The following GAN variants were observed in gnomAD, a reference collection of about 807,000 sequenced individuals.
GAN encodes the protein epididymis secretory sperm binding protein.
GAN carries 48 observed loss-of-function variants against 71.3 expected under a neutral mutation model. The observed-to-expected ratio is 0.67, with a 90% CI of 0.53 to 0.86. GAN has a LOEUF of 0.86. Ranked by LOEUF, GAN falls within the 40% of genes least tolerant of loss-of-function variation. GAN has a pLI of 0.00. For synonymous variants in GAN, 386 were observed against 276.8 expected (o/e 1.39, Z -3.92); for missense variants, 928 against 770.1 (o/e 1.21, Z -2.43).
In GAN at chr16:81,354,548, A is replaced by C. The variant is rs775953461; in HGVS notation, c.426A>C (p.Leu142=). The stretch of plus-strand genomic sequence containing the variant: ...GTATTGGTATCCGTGACTTTGCACT[A>C]CATTACTGCCTCCATCACGTTCATT... The part of the protein sequence containing the change: ...ENCIGIRDFA[L]HYCLHHVHYL... The change falls in exon 3 of 11, where the codon CTA becomes CTC. Residue 142 remains leucine (L), a synonymous_variant. Transcript: ENST00000648994. 2 of 1,614,120 alleles carry C rather than the reference A, an allele frequency of 1.2e-6. No individual in the cohort carries two copies. Among genetic ancestry groups the C allele is most frequent in the Non-Finnish European group, 1.7e-6 (2 of 1,179,946 alleles).
chr16:81,387,448 C>G lies in GAN; in HGVS notation c.*9852C>G, dbSNP rs983069881. 2 of 152,334 alleles carry G rather than the reference C, an allele frequency of 1.3e-5. No homozygotes were observed. The highest frequency in any genetic ancestry group is 4.8e-5 in the African/African-American group (2 of 41,434). The allele number at this position is 152,334 out of a possible 1,614,324, so 9.4% of individuals were successfully genotyped here. A position where few individuals can be genotyped will look rare whatever the true frequency, so the allele number is the denominator to read the frequency against. On this transcript the variant is annotated 3_prime_UTR_variant, in exon 11 of 11. Coordinates refer to ENST00000648994, the MANE Select transcript of GAN (RefSeq NM_022041.4). Reference sequence around the variant, plus strand: ...CCTCCTCCCTGGTGAAAGTCTACTGCAGTTTTATTCTCAGCTCTGGAAGGA... The same window carrying G: ...CCTCCTCCCTGGTGAAAGTCTACTGGAGTTTTATTCTCAGCTCTGGAAGGA...
In GAN at chr16:81,354,607, G is replaced by T; in HGVS notation, c.485G>T (p.Arg162Leu). The change falls in exon 3 of 11, where the codon CGA becomes CTA. Residue 162 changes from arginine to leucine, a missense_variant. Coordinates refer to ENST00000648994, the MANE Select transcript of GAN (RefSeq NM_022041.4). ...LATEYLETHFRDVSSTEEFLE... is the reference protein window; with the variant it reads ...LATEYLETHFLDVSSTEEFLE... ...ACAGAATACCTGGAGACTCATTTCC[G>T]AGACGTCAGCAGCACGGAAGAATTC... 6.2e-7 allele frequency: 1 copy of T among 1,614,050 alleles called. No individual in the cohort carries two copies. Among genetic ancestry groups the T allele is most frequent in the South Asian group, 1.1e-5 (1 of 91,078 alleles).
At chr16:81,357,667 C>G (rs567355632) in intron 4 of GAN, 143 bp from the exon 5 acceptor site, 13 of 765,630 alleles carry the variant, frequency 1.7e-5, no homozygotes, top group South Asian at 4.4e-5. Context: ...TTCTAGATCC[C>G]TGAGGAATCG....
Position 81,315,133 on chromosome 16 carries a change from T to G in GAN, c.20T>G (p.Val7Gly). The G allele has an allele frequency of 3.9e-6, 6 of 1,525,578 alleles. No homozygotes were observed. Among genetic ancestry groups the G allele is most frequent in the Non-Finnish European group, 5.3e-6 (6 of 1,137,382 alleles). The allele number at this position is 1,525,578 out of a possible 1,614,324, so 94.5% of individuals were successfully genotyped here. A position where few individuals can be genotyped will look rare whatever the true frequency, so the allele number is the denominator to read the frequency against. Reference sequence around the variant, plus strand: ...GCCGCGATGGCTGAGGGCAGTGCCGTGTCTGACCCTCAGCACGCCGCGCGT... The same window carrying G: ...GCCGCGATGGCTGAGGGCAGTGCCGGGTCTGACCCTCAGCACGCCGCGCGT... The part of the protein sequence containing the change: MAEGSA[V>G]SDPQHAARLL... Residue 7 changes from valine (V) to glycine (G), a missense_variant, in exon 1 of 11, where the codon GTG becomes GGG. By Grantham distance (109) the Val-to-Gly change is moderately radical (BLOSUM62 -3). Coordinates refer to ENST00000648994, the MANE Select transcript of GAN (RefSeq NM_022041.4).
At chr16:81,349,157 C>G (rs1216313132) in intron 1 of GAN, among the ~76,000 whole-genome samples, 1 of 152,146 alleles carries the variant, frequency 6.6e-6, no homozygotes, top group Non-Finnish European at 1.5e-5. Context: ...ACTTTGTTAA[C>G]AGTTCTGTTT....
intron 1 of GAN, among the ~76,000 whole-genome samples, chr16:81,338,451 T>A (rs1909837923): frequency 6.6e-6 from 1 of 152,170 alleles, no homozygotes; most frequent in Non-Finnish European, 1.5e-5. Flanking sequence ...TATTCATTAC[T>A]CATTCAGTAC....
chr16:81,328,503 T>C (rs1208437100), intron 1 of GAN, among the ~76,000 whole-genome samples: 2 of 152,248 alleles, frequency 1.3e-5, no homozygotes, highest in Non-Finnish European at 2.9e-5. Context: ...GTTCTTTTTG[T>C]ATTTTTTGTG....
chr16:81,354,693 A>T lies in GAN; in HGVS notation c.571A>T (p.Asn191Tyr), dbSNP rs755250146. 6.2e-7 allele frequency: 1 copy of T among 1,613,498 alleles called. No homozygotes were observed. Among genetic ancestry groups the T allele is most frequent in the Non-Finnish European group, 8.5e-7 (1 of 1,179,346 alleles). ...TTCTCTTGAGAAGTTAAACGTTGGC[A>T]ATGAAAGATATGTCTTTGAAGCAGT... ...VISLEKLNVG[N>Y]ERYVFEAVIR... The change falls in exon 3 of 11, where the codon AAT becomes TAT. Residue 191 changes from asparagine to tyrosine, a missense_variant. Coordinates refer to ENST00000648994, the MANE Select transcript of GAN (RefSeq NM_022041.4).
intron 5 of GAN, among the ~76,000 whole-genome samples, chr16:81,360,314 A>C (rs1910633790): frequency 6.6e-6 from 1 of 152,120 alleles, no homozygotes; most frequent in Non-Finnish European, 1.5e-5. Context: ...TTCATTCGTA[A>C]AGGATATTTT....
At chr16:81,358,073 G>GA in intron 5 of GAN, 142 bp downstream of exon 5, 1 of 771,088 alleles carries the variant, frequency 1.3e-6, no homozygotes, top group Non-Finnish European at 2.2e-6. Context: ...TAGCTTCTGA[G>GA]ACCGTGGTTA....
At position 81,319,212 on chromosome 16, in the gene GAN, A is replaced by ATATG. The variant is rs1055951800; in HGVS notation, c.167+3935_167+3936insGTAT. ...AAAAAAAAATAGATATAGATTATATATATATATATATATCTAACAACCTTT... is the reference window on the plus strand; with the variant it reads ...AAAAAAAAATAGATATAGATTATATATATGTATATATATATATCTAACAACCTTT... On this transcript the variant is annotated intron_variant, in intron 1 of 10. Coordinates refer to ENST00000648994, the MANE Select transcript of GAN (RefSeq NM_022041.4). Among the ~76,000 whole-genome samples, 40 of 147,882 alleles carry ATATG rather than the reference A, an allele frequency of 2.7e-4. 1 individual carries two copies. Among genetic ancestry groups the ATATG allele is most frequent in the African/African-American group, 9.6e-4 (39 of 40,574 alleles).
Position 81,315,154 on chromosome 16 carries a change from C to T in GAN, c.41C>T (p.Ala14Val), listed in dbSNP as rs764379158. 10 of 1,549,174 alleles carry T rather than the reference C, an allele frequency of 6.5e-6. No homozygotes were observed. Among genetic ancestry groups the T allele is most frequent in the African/African-American group, 4.2e-5 (3 of 70,768 alleles). ...GSAVSDPQHAARLLRALSSFR... is the reference protein window; with the variant it reads ...GSAVSDPQHAVRLLRALSSFR... ...GCCGTGTCTGACCCTCAGCACGCCG[C>T]GCGTCTGCTGCGAGCGCTCAGCTCT... Residue 14 changes from alanine (A) to valine (V), a missense_variant, in exon 1 of 11, where the codon GCG (alanine) becomes GTG (valine). Transcript: ENST00000648994.
intron 2 of GAN, among the ~76,000 whole-genome samples, chr16:81,352,231 A>G (rs1186272341): frequency 2.0e-5 from 3 of 152,108 alleles, no homozygotes; most frequent in African/African-American, 7.2e-5. Flanking sequence ...AGTAGTACCC[A>G]CATCCCTGCC....
chr16:81,329,613 C>G (rs769245241), intron 1 of GAN, among the ~76,000 whole-genome samples: 3 of 152,172 alleles, frequency 2.0e-5, no homozygotes, highest in Non-Finnish European at 4.4e-5. Flanking sequence ...CAAGTGAAAA[C>G]TTAAGTGTTT....
Position 81,365,384 on chromosome 16 carries a change from C to T in GAN, c.1408C>T (p.Leu470=). ...GGTGGCCTGTGGAGTTGCTATGGAG[C>T]TGTATGTGTTTGGGGGAGTCCGAAG... is the stretch of plus-strand genomic sequence containing the variant. The part of the protein sequence containing the change: ...GAVACGVAME[L]YVFGGVRSRE... Residue 470 remains leucine, a synonymous_variant, in exon 9 of 11, where the codon CTG becomes TTG. Transcript: ENST00000648994. 2 of 1,613,534 alleles carry T rather than the reference C, an allele frequency of 1.2e-6. No homozygotes were observed. Among genetic ancestry groups the T allele is most frequent in the Non-Finnish European group, 1.7e-6 (2 of 1,179,924 alleles).
At position 81,374,563 on chromosome 16, in the gene GAN, A is replaced by G. The variant is rs578092466; in HGVS notation, c.1503-2656A>G. Among the ~76,000 whole-genome samples the G allele has an allele frequency of 8.8e-4, 134 of 152,344 alleles. 1 individual carries two copies. In the South Asian group the frequency reaches 0.016, roughly 18 times the overall value. ...CTGTTAATGTTTTCCAATTATTTAT[A>G]GTATATGGATTCATGGATATTTATT... On this transcript the variant is annotated intron_variant, in intron 9 of 10. Coordinates refer to ENST00000648994, the MANE Select transcript of GAN (RefSeq NM_022041.4).
At chr16:81,376,530 T>C (rs1416364180) in intron 9 of GAN, among the ~76,000 whole-genome samples, 2 of 150,624 alleles carry the variant, frequency 1.3e-5, no homozygotes, top group African/African-American at 2.5e-5. Flanking sequence ...TGTATACATA[T>C]ATGTGTATAT....
intron 7 of GAN, among the ~76,000 whole-genome samples, chr16:81,364,512 C>A (rs2125201): frequency 2.0e-5 from 3 of 151,902 alleles, no homozygotes; most frequent in African/African-American, 4.8e-5. Context: ...AGCGATCCCC[C>A]ATCTCTACAA....
At position 81,328,289 on chromosome 16, in the gene GAN, T is replaced by A. The variant is rs146965301; in HGVS notation, c.167+13009T>A. Among the ~76,000 whole-genome samples, 219 of 152,380 alleles carry A rather than the reference T, an allele frequency of 1.4e-3. 1 individual carries two copies. The highest frequency in any genetic ancestry group is 5.1e-3 in the African/African-American group (214 of 41,598). ...GAAGTAGTTGAAATCTATATTTACCTGTTATTTACAGTTCGTCTTTTTACT... is the reference window on the plus strand; with the variant it reads ...GAAGTAGTTGAAATCTATATTTACCAGTTATTTACAGTTCGTCTTTTTACT... On this transcript the variant is annotated intron_variant, in intron 1 of 10. Transcript: ENST00000648994.
Sources: allele counts gnomAD v4.1 joint callset (sites outside exome capture counted in the v4.1 genomes callset), GRCh38; gene constraint gnomAD v4.1.1; transcripts MANE v1.5; gene names NCBI Gene and HGNC (gene_info 2026-07-23, HGNC 2026-07-21).